MALRD1: variants seen among roughly 807,000 people sequenced by gnomAD.
The protein encoded by MALRD1 is MAM and LDL receptor class A domain containing 1.
Under a neutral mutation model 242.1 loss-of-function variants are expected in MALRD1, and 247 were observed. The ratio of observed to expected loss-of-function variants is 1.02; its 90% CI spans 0.92 to 1.13. The LOEUF (loss-of-function observed/expected upper bound fraction) is 1.13. MALRD1 is among the 50% of genes most tolerant of loss of function. The probability of loss-of-function intolerance (pLI) is 0.00; values close to 1 mark genes in which losing one functional copy is unlikely to be tolerated. For missense variants in MALRD1, 2,989 were observed against 2,533.1 expected (o/e 1.18, Z -3.86); for synonymous variants, 995 against 866.6 (o/e 1.15, Z -2.60).
chr10:19,569,324 T>A (rs1836401065), intron 33 of MALRD1, among the ~76,000 whole-genome samples: 1 of 151,920 alleles, frequency 6.6e-6, no homozygotes, highest in African/African-American at 2.4e-5. Flanking sequence ...TTCTCCCATT[T>A]CTCCCTGGCA....
chr10:19,504,139 A>G (rs1838093726), intron 31 of MALRD1, among the ~76,000 whole-genome samples: 1 of 152,224 alleles, frequency 6.6e-6, no homozygotes. Flanking sequence ...GGTTATGCAG[A>G]TGATAACTGT....
intron 8 of MALRD1, among the ~76,000 whole-genome samples, chr10:19,133,645 A>G (rs944885841): frequency 3.3e-5 from 5 of 152,192 alleles, no homozygotes; most frequent in Admixed American, 1.3e-4. Context: ...TTTATCTGCA[A>G]AAAGCAGCTT....
intron 5 of MALRD1, among the ~76,000 whole-genome samples, chr10:19,107,851 G>C (rs955616521): frequency 1.3e-4 from 19 of 151,758 alleles, no homozygotes; most frequent in African/African-American, 4.6e-4. Flanking sequence ...AAATCTTATA[G>C]AAGACTATTT....
At chr10:19,407,710 G>A (rs1833097003) in intron 28 of MALRD1, among the ~76,000 whole-genome samples, 1 of 152,120 alleles carries the variant, frequency 6.6e-6, no homozygotes, top group African/African-American at 2.4e-5. Context: ...GGATTCCTAT[G>A]GATGTGGAAC....
intron 26 of MALRD1, among the ~76,000 whole-genome samples, chr10:19,369,419 T>C (rs1845268734): frequency 6.7e-6 from 1 of 148,434 alleles, no homozygotes; most frequent in South Asian, 2.1e-4. Flanking sequence ...CACATTCTTC[T>C]ATGGAGTAGC....
At chr10:19,583,909 A>G (rs1022578800) in intron 33 of MALRD1, among the ~76,000 whole-genome samples, 4 of 152,022 alleles carry the variant, frequency 2.6e-5, no homozygotes, top group African/African-American at 9.7e-5. Context: ...AGCTCCTGTT[A>G]TTGGTCTATT....
intron 26 of MALRD1, among the ~76,000 whole-genome samples, chr10:19,386,525 G>C (rs1262615485): frequency 1.3e-5 from 2 of 152,078 alleles, no homozygotes; most frequent in Non-Finnish European, 2.9e-5. Context: ...ACCCATGACA[G>C]TTAAATTCTG....
chr10:19,369,980 G>C (rs73593884), intron 26 of MALRD1, among the ~76,000 whole-genome samples: 7,946 of 151,826 alleles, frequency 0.052, 410 homozygotes, highest in African/African-American at 0.13. Context: ...AAGAATTTTT[G>C]TCCACCCTGG....
chr10:19,112,941 A>G (rs955244700), intron 5 of MALRD1, among the ~76,000 whole-genome samples: 2 of 152,150 alleles, frequency 1.3e-5, no homozygotes, highest in African/African-American at 4.8e-5. Context: ...TAATTTTTAC[A>G]TATTCTTCTC....
intron 28 of MALRD1, among the ~76,000 whole-genome samples, chr10:19,436,416 C>T (rs564761805): frequency 1.3e-5 from 2 of 152,298 alleles, no homozygotes; most frequent in South Asian, 2.1e-4. Flanking sequence ...ATTAGCTTAA[C>T]TGTAATCTTT....
At chr10:19,570,626 G>T (rs1490743963) in intron 33 of MALRD1, among the ~76,000 whole-genome samples, 2 of 152,006 alleles carry the variant, frequency 1.3e-5, no homozygotes, top group African/African-American at 4.8e-5. Flanking sequence ...ATATATTGGT[G>T]AATGTGAAAG....
At chr10:19,726,736 A>G (rs1048570164) in intron 38 of MALRD1, among the ~76,000 whole-genome samples, 4 of 152,234 alleles carry the variant, frequency 2.6e-5, no homozygotes, top group Admixed American at 6.5e-5. Context: ...AAAATGTGAC[A>G]TATACATGCA....
intron 18 of MALRD1, among the ~76,000 whole-genome samples, chr10:19,250,357 G>A (rs1308886092): frequency 1.3e-5 from 2 of 151,796 alleles, no homozygotes; most frequent in Non-Finnish European, 2.9e-5. Context: ...TAGTAAAATA[G>A]GTTCCATATA....
chr10:19,205,170 A>G lies in MALRD1; in HGVS notation c.2483A>G (p.His828Arg). The change falls in exon 17 of 40, where the codon CAT becomes CGT. Residue 828 changes from histidine (H) to arginine (R), a missense_variant. By Grantham distance (29) the His-to-Arg change is conservative. Coordinates refer to ENST00000454679, the MANE Select transcript of MALRD1 (RefSeq NM_001142308.3). ...LPAESCEGLD[H>R]FWCRHTRACI... is the part of the protein sequence containing the mutation. ...GCTGAGAGCTGTGAAGGGCTGGATC[A>G]TTTCTGGTGTCGCCACACCAGGGCT... 6.4e-7 allele frequency: 1 copy of G among 1,550,938 alleles called. No homozygotes were observed.
chr10:19,285,797 TTGGTAGCTTGA>T (rs1197856884), intron 21 of MALRD1, among the ~76,000 whole-genome samples: 1 of 114,514 alleles, frequency 8.7e-6, no homozygotes, highest in Admixed American at 9.5e-5. Flanking sequence ...AAGAAAGTCA[TTGGTAGCTTGA>T]TGGGGATGGC....
chr10:19,552,981 A>C (rs932309328), intron 32 of MALRD1, among the ~76,000 whole-genome samples: 4 of 152,142 alleles, frequency 2.6e-5, no homozygotes, highest in Admixed American at 1.3e-4. Flanking sequence ...TTATTTATAT[A>C]ATACATAAAC....
At chr10:19,493,670 C>T (rs1379439322) in intron 30 of MALRD1, among the ~76,000 whole-genome samples, 3 of 141,260 alleles carry the variant, frequency 2.1e-5, no homozygotes, top group African/African-American at 8.5e-5. Flanking sequence ...AAAAATTAGC[C>T]GTTCCTGGTG....
At chr10:19,282,936 G>T in intron 20 of MALRD1, 83 bp from the exon 21 acceptor site, 1 of 946,622 alleles carries the variant, frequency 1.1e-6, no homozygotes, top group South Asian at 4.0e-5. Context: ...TTAAAAACAA[G>T]AGTAAGAAAG....
At chr10:19,413,586 A>T (rs557178574) in intron 28 of MALRD1, among the ~76,000 whole-genome samples, 176 of 152,126 alleles carry the variant, frequency 1.2e-3, no homozygotes, top group African/African-American at 4.1e-3. Flanking sequence ...TTTTAGGACA[A>T]TTTAATTTAT....
Sources: allele counts gnomAD v4.1 joint callset (sites outside exome capture counted in the v4.1 genomes callset), GRCh38; gene constraint gnomAD v4.1.1; transcripts MANE v1.5; gene names NCBI Gene and HGNC (gene_info 2026-07-23, HGNC 2026-07-21).